Variants in TXNRD2 observed in about 807,000 individuals in gnomAD.
TXNRD2 encodes the protein thioredoxin reductase 2, mitochondrial.
TXNRD2 carries 67 observed loss-of-function variants against 70.8 expected under a neutral mutation model. The ratio of observed to expected loss-of-function variants is 0.95; its 90% CI spans 0.78 to 1.16. The LOEUF is 1.16. Ranked by LOEUF, TXNRD2 falls within the 50% of genes most tolerant of loss-of-function variation. The pLI is 0.00. For missense variants in TXNRD2, 644 were observed against 719.9 expected (o/e 0.89, Z 1.21); for synonymous variants, 301 against 295.8 (o/e 1.02, Z -0.18).
At chr22:19,889,040 C>T (rs945297725) in intron 11 of TXNRD2, among the ~76,000 whole-genome samples, 5 of 152,106 alleles carry the variant, frequency 3.3e-5, no homozygotes, top group Non-Finnish European at 7.4e-5. Context: ...GCCCCTGGGC[C>T]TCAATGGGAC....
chr22:19,908,736 T>C (rs1299472153), intron 8 of TXNRD2, among the ~76,000 whole-genome samples: 1 of 152,208 alleles, frequency 6.6e-6, no homozygotes, highest in East Asian at 1.9e-4. Flanking sequence ...GGGTGTCCAC[T>C]GACAGATGAA....
intron 2 of TXNRD2, among the ~76,000 whole-genome samples, chr22:19,924,191 C>G (rs1390973048): frequency 6.6e-6 from 1 of 151,964 alleles, no homozygotes; most frequent in Admixed American, 6.6e-5. Flanking sequence ...ATTAGTGTAT[C>G]CCCAGACCCT....
chr22:19,916,834 C>G (rs1440689210), intron 5 of TXNRD2, among the ~76,000 whole-genome samples: 1 of 151,966 alleles, frequency 6.6e-6, no homozygotes, highest in African/African-American at 2.4e-5. Context: ...GTCTCCAACT[C>G]CTGGGCTCAA....
intron 8 of TXNRD2, among the ~76,000 whole-genome samples, chr22:19,903,591 G>A (rs554113035): frequency 4.1e-4 from 62 of 152,354 alleles, no homozygotes; most frequent in Admixed American, 2.5e-3. Context: ...TCCAGGTCAG[G>A]AAGTGGCAGG....
At chr22:19,931,733 C>A (rs893745566) in intron 1 of TXNRD2, among the ~76,000 whole-genome samples, 3 of 152,054 alleles carry the variant, frequency 2.0e-5, no homozygotes, top group Non-Finnish European at 4.4e-5. Context: ...AAACACCTGG[C>A]CTCAAGCAAT....
intron 5 of TXNRD2, chr22:19,916,046 C>T: frequency 1.7e-6 from 1 of 575,806 alleles, no homozygotes; most frequent in South Asian, 1.9e-5. Flanking sequence ...CCCCAGGGAT[C>T]CCAGGGACAT....
intron 2 of TXNRD2, among the ~76,000 whole-genome samples, chr22:19,925,215 C>T (rs1681071716): frequency 6.6e-6 from 1 of 151,798 alleles, no homozygotes; most frequent in South Asian, 2.1e-4. Context: ...ACCCGGGAGG[C>T]AGAGCTTGCA....
At chr22:19,940,087 C>T (rs1472446591) in intron 1 of TXNRD2, among the ~76,000 whole-genome samples, 2 of 151,208 alleles carry the variant, frequency 1.3e-5, no homozygotes, top group Non-Finnish European at 2.9e-5. Flanking sequence ...ACTAAAAATA[C>T]AAAAAAAATT....
intron 2 of TXNRD2, among the ~76,000 whole-genome samples, chr22:19,925,500 T>C (rs1210176775): frequency 6.6e-6 from 1 of 151,854 alleles, no homozygotes; most frequent in Non-Finnish European, 1.5e-5. Flanking sequence ...TATGTGAGAT[T>C]TTCTCACACG....
At chr22:19,912,176 C>T (rs1445658419) in intron 7 of TXNRD2, among the ~76,000 whole-genome samples, 1 of 152,170 alleles carries the variant, frequency 6.6e-6, no homozygotes, top group Admixed American at 6.5e-5. Flanking sequence ...GTGAACGTCC[C>T]CTTAGCGGCC....
chr22:19,932,086 G>T (rs4497958), intron 1 of TXNRD2, among the ~76,000 whole-genome samples: 4 of 149,268 alleles, frequency 2.7e-5, no homozygotes, highest in Non-Finnish European at 5.9e-5. Context: ...GCGTGAACCC[G>T]GGAGGCGGAG....
chr22:19,912,482 C>T (rs1337695827), intron 7 of TXNRD2, among the ~76,000 whole-genome samples: 1 of 152,196 alleles, frequency 6.6e-6, no homozygotes, highest in African/African-American at 2.4e-5. Context: ...AGGGCCGGGC[C>T]AGGCCAGGGC....
chr22:19,897,024 C>T (rs1939539827), intron 10 of TXNRD2, among the ~76,000 whole-genome samples: 1 of 152,206 alleles, frequency 6.6e-6, no homozygotes, highest in South Asian at 2.1e-4. Flanking sequence ...TCTGCAGGCC[C>T]CTTTCCTCCT....
chr22:19,898,172 G>A (rs373472840), intron 9 of TXNRD2, 42 bp from the exon 10 acceptor site: 220 of 1,522,836 alleles, frequency 1.4e-4, no homozygotes, highest in Non-Finnish European at 1.9e-4. Flanking sequence ...TCCCAATTTT[G>A]GAAATGATGG....
At chr22:19,920,830 C>T (rs1273134887) in intron 2 of TXNRD2, among the ~76,000 whole-genome samples, 2 of 152,144 alleles carry the variant, frequency 1.3e-5, no homozygotes, top group Non-Finnish European at 1.5e-5. Flanking sequence ...TGGCTGGGTG[C>T]AGCGGCTCAT....
At chr22:19,914,752 G>A (rs139642258) in intron 7 of TXNRD2, 5 of 256,324 alleles carry the variant, frequency 2.0e-5, no homozygotes, top group African/African-American at 1.1e-4. Context: ...CTCTGTGAAT[G>A]TACTAAAAAC....
chr22:19,940,546 G>A (rs1483434762), intron 1 of TXNRD2, among the ~76,000 whole-genome samples: 1 of 152,140 alleles, frequency 6.6e-6, no homozygotes, highest in Non-Finnish European at 1.5e-5. Context: ...GCCGTGTCTG[G>A]ACTGTGAGTA....
At position 19,880,027 on chromosome 22, in the gene TXNRD2, C is replaced by T. The variant is rs922476670; in HGVS notation, c.1275+152G>A. ...AGGCACCCCCACTTCTGAGGCTGCC[C>T]CCAACGTGTCCCTTCCCGCTACACA... On this transcript the variant is annotated intron_variant, in intron 14 of 17. Transcript: ENST00000400521. 4.9e-6 allele frequency: 4 copies of T among 817,210 alleles called. No homozygotes were observed. The African/African-American group carries it at 5.1e-5, about 10-fold the overall frequency. 50.6% of individuals were successfully genotyped at this position (817,210 alleles called of 1,614,324 possible). A position where few individuals can be genotyped will look rare whatever the true frequency, so the allele number is the denominator to read the frequency against.
At chr22:19,919,480 G>A in intron 3 of TXNRD2, 63 bp downstream of exon 3, 7 of 1,491,758 alleles carry the variant, frequency 4.7e-6, no homozygotes, top group Non-Finnish European at 6.4e-6. Context: ...CCTCTGTACA[G>A]GAACTGGGCC....
Sources: gnomAD v4.1 joint callset for allele counts (sites outside exome capture counted in the v4.1 genomes callset) on GRCh38, gnomAD v4.1.1 for gene constraint, MANE v1.5 for transcripts, NCBI Gene and HGNC (gene_info 2026-07-23, HGNC 2026-07-21) for gene names.